Variants in IPO5 observed in about 807,000 individuals in gnomAD.
The protein encoded by IPO5 is importin 5, also known as importin-5.
IPO5 carries 18 observed loss-of-function variants against 143.3 expected under a neutral mutation model. The observed-to-expected ratio is 0.13, with a 90% CI of 0.09 to 0.19. The LOEUF is 0.19. Among genes scored for constraint, IPO5 ranks in the 10% least tolerant of loss-of-function variants. The probability of loss-of-function intolerance (pLI) is 1.00; values close to 1 mark genes in which losing one functional copy is unlikely to be tolerated. For missense variants in IPO5, 1,013 were observed against 1,336.9 expected, an observed-to-expected ratio of 0.76 and a Z score of 3.78; for synonymous variants, 477 against 465.7, an observed-to-expected ratio of 1.02 and a Z score of -0.31.
At chr13:97,976,989 C>A in intron 4 of IPO5, 1 of 197,432 alleles carries the variant, frequency 5.1e-6, no homozygotes, top group South Asian at 7.0e-5. Flanking sequence ...GCCGCGGCGC[C>A]TGGCACCAGT....
At chr13:97,974,141 A>C (rs539414230) in intron 3 of IPO5, among the ~76,000 whole-genome samples, 1 of 152,186 alleles carries the variant, frequency 6.6e-6, no homozygotes, top group Admixed American at 6.5e-5. Context: ...TTTAGTAACT[A>C]TTAAGCAAAT....
chr13:97,966,679 T>C (rs1885371008), intron 2 of IPO5, among the ~76,000 whole-genome samples: 1 of 152,214 alleles, frequency 6.6e-6, no homozygotes, highest in Non-Finnish European at 1.5e-5. Flanking sequence ...TTAATTGCTT[T>C]TTAAATGTTT....
chr13:97,988,236 A>G (rs1363169588), intron 6 of IPO5: 6 of 154,422 alleles, frequency 3.9e-5, no homozygotes, highest in Non-Finnish European at 7.2e-5. Context: ...AATAGTAAAC[A>G]TATTAATAAC....
intron 8 of IPO5, 76 bp from the exon 9 acceptor site, chr13:97,990,357 G>T: frequency 1.6e-6 from 2 of 1,234,874 alleles, no homozygotes; most frequent in South Asian, 2.6e-5. Context: ...AGAATAATTT[G>T]ATCTTGAGTA....
chr13:97,982,451 C>A, intron 4 of IPO5, 52 bp from the exon 5 acceptor site: 2 of 1,191,628 alleles, frequency 1.7e-6, no homozygotes, highest in Non-Finnish European at 2.5e-6. Context: ...CACTGGTTTA[C>A]TCATGAAGTT....
chr13:97,976,879 C>T (rs1343610055), intron 4 of IPO5, 93 bp downstream of exon 4: 1 of 307,790 alleles, frequency 3.2e-6, no homozygotes. Flanking sequence ...CGGTCCGCGG[C>T]GGCCGCGCAG....
At chr13:98,019,284 A>C (rs1366970569) in intron 26 of IPO5, among the ~76,000 whole-genome samples, 2 of 152,140 alleles carry the variant, frequency 1.3e-5, no homozygotes, top group Non-Finnish European at 2.9e-5. Context: ...TGGGGAATAT[A>C]GTTAGGCAGC....
In IPO5 at chr13:97,976,775, A is replaced by G; in HGVS notation, c.79A>G (p.Lys27Glu). 1 of 1,392,900 alleles carries G rather than the reference A, an allele frequency of 7.2e-7. No individual in the cohort carries two copies. The highest frequency in any genetic ancestry group is 9.6e-7 in the Non-Finnish European group (1 of 1,044,278). The allele number at this position is 1,392,900 out of a possible 1,614,324, so 86.3% of individuals were successfully genotyped here. A position where few individuals can be genotyped will look rare whatever the true frequency, so the allele number is the denominator to read the frequency against. The change falls in exon 4 of 29, where the codon AAA becomes GAA. Residue 27 changes from lysine (K) to glutamate (E), a missense_variant. Physicochemically the swap from Lys to Glu is moderately conservative, Grantham distance 56. Coordinates refer to ENST00000651721, the MANE Select transcript of IPO5 (RefSeq NM_002271.6). Reference sequence around the variant, plus strand: ...GCTCAGCCCCGACAATGTGGTCCGGAAACAGGCAGAGGTAACCGAGTTCGC... The same window carrying G: ...GCTCAGCCCCGACAATGTGGTCCGGGAACAGGCAGAGGTAACCGAGTTCGC... ...NLLSPDNVVR[K>E]QAEETYENIP...
intron 22 of IPO5, 49 bp downstream of exon 22, chr13:98,014,263 A>G: frequency 3.6e-6 from 5 of 1,376,940 alleles, no homozygotes; most frequent in Non-Finnish European, 5.0e-6. Flanking sequence ...ATGTTCATTT[A>G]TTAGTCTTGC....
chr13:98,021,666 TATG>T (rs952244667), intron 28 of IPO5, 67 bp from the exon 29 acceptor site: 1 of 867,058 alleles, frequency 1.2e-6, no homozygotes, highest in Non-Finnish European at 1.8e-6. Flanking sequence ...ACAGTTTACC[TATG>T]ATGATGATTA....
At chr13:98,015,017 C>G (rs988341814) in intron 22 of IPO5, among the ~76,000 whole-genome samples, 1 of 152,104 alleles carries the variant, frequency 6.6e-6, no homozygotes, top group Non-Finnish European at 1.5e-5. Context: ...TTGCACAACT[C>G]TAGTTTGCTC....
Position 98,020,739 on chromosome 13 carries a change from CA to C in IPO5, c.3066-252del, listed in dbSNP as rs3214739. On this transcript the variant is annotated intron_variant, in intron 27 of 28. Coordinates refer to ENST00000651721, the MANE Select transcript of IPO5 (RefSeq NM_002271.6). ...TAAACTTATTTTTAATAATACAAAA[CA>C]TTTTTTTTAACACATCACAAATTAT... Among the ~76,000 whole-genome samples, 3,098 of 152,178 alleles carry C rather than the reference CA, an allele frequency of 0.02. 177 individuals carry two copies. In the East Asian group the frequency reaches 0.23, roughly 12 times the overall value.
Position 97,985,441 on chromosome 13 carries a change from T to C in IPO5, c.192T>C (p.Val64=). 2 of 1,614,094 alleles carry C rather than the reference T, an allele frequency of 1.2e-6. No individual in the cohort carries two copies. Among genetic ancestry groups the C allele is most frequent in the Non-Finnish European group, 1.7e-6 (2 of 1,179,966 alleles). Residue 64 remains valine, a synonymous_variant, in exon 6 of 29, where the codon GTT becomes GTC. Coordinates refer to ENST00000651721, the MANE Select transcript of IPO5 (RefSeq NM_002271.6). ...TATAGGCTAGACAAATGGCCGCCGT[T>C]CTCCTAAGACGTCTCTTGTCCTCTG... ...AAEEARQMAA[V]LLRRLLSSAF... is the part of the protein sequence containing the mutation.
chr13:98,002,766 A>C lies in IPO5; in HGVS notation c.1316A>C (p.His439Pro), dbSNP rs530239234. 6.2e-7 allele frequency: 1 copy of C among 1,610,304 alleles called. No homozygotes were observed. Among genetic ancestry groups the C allele is most frequent in the Non-Finnish European group, 8.5e-7 (1 of 1,178,512 alleles). ...GCACCTGGTTTCCAAAAGAAATTTC[A>C]TGAGAAGGTAAGTAACAAGTCCTCA... Reference protein sequence around the residue: ...DFAPGFQKKFHEKVIAALLQT... With the variant: ...DFAPGFQKKFPEKVIAALLQT... The change falls in exon 15 of 29, where the codon CAT becomes CCT. Residue 439 changes from histidine (H) to proline (P), a missense_variant. Physicochemically the swap from His to Pro is moderately conservative, Grantham distance 77. Coordinates refer to ENST00000651721, the MANE Select transcript of IPO5 (RefSeq NM_002271.6).
intron 24 of IPO5, 25 bp from the exon 25 acceptor site, chr13:98,016,704 G>C: frequency 8.0e-7 from 1 of 1,249,048 alleles, no homozygotes; most frequent in Non-Finnish European, 1.1e-6. Flanking sequence ...ATCCATATGA[G>C]TGTTTATGTG....
intron 4 of IPO5, among the ~76,000 whole-genome samples, chr13:97,977,754 C>T (rs1009795318): frequency 6.6e-6 from 1 of 152,124 alleles, no homozygotes; most frequent in African/African-American, 2.4e-5. Context: ...GGGATACTTC[C>T]AGGGGAGGGA....
chr13:97,957,383 T>C (rs1376608987), intron 2 of IPO5, among the ~76,000 whole-genome samples: 1 of 151,854 alleles, frequency 6.6e-6, no homozygotes, highest in African/African-American at 2.4e-5. Context: ...TTGTATTTTT[T>C]GTAGAGACAA....
chr13:97,997,658 A>G, intron 12 of IPO5, 40 bp downstream of exon 12: 1 of 1,297,166 alleles, frequency 7.7e-7, no homozygotes, highest in Non-Finnish European at 1.1e-6. Flanking sequence ...TGAAAGCCCT[A>G]GGGCTCCACG....
At chr13:97,961,586 A>G (rs1216986956) in intron 2 of IPO5, among the ~76,000 whole-genome samples, 1 of 152,130 alleles carries the variant, frequency 6.6e-6, no homozygotes. Flanking sequence ...TCTTGTCAAC[A>G]CTTGCTGTTG....
Sources: allele counts gnomAD v4.1 joint callset (sites outside exome capture counted in the v4.1 genomes callset), GRCh38; gene constraint gnomAD v4.1.1; transcripts MANE v1.5; gene names NCBI Gene and HGNC (gene_info 2026-07-23, HGNC 2026-07-21).